NCOR2: variants seen among roughly 807,000 people sequenced by gnomAD.
NCOR2 encodes the protein CTG repeat protein 26.
In NCOR2, 81 loss-of-function variants were observed where a neutral mutation model predicts 262.9. The observed-to-expected ratio is 0.31, with a 90% CI of 0.26 to 0.37. The LOEUF is 0.37. NCOR2 is among the 10% of genes least tolerant of loss of function. The probability of loss-of-function intolerance (pLI) is 1.00; values close to 1 mark genes in which losing one functional copy is unlikely to be tolerated. For synonymous variants in NCOR2, 1,659 were observed against 1,559.3 expected, an observed-to-expected ratio of 1.06 and a Z score of -1.51; for missense variants, 3,385 against 3,621.4, an observed-to-expected ratio of 0.93 and a Z score of 1.68.
intron 1 of NCOR2, among the ~76,000 whole-genome samples, chr12:124,525,610 G>A (rs2050423745): frequency 6.6e-6 from 1 of 152,248 alleles, no homozygotes; most frequent in South Asian, 2.1e-4. Context: ...CAGAGCAGCT[G>A]CTGCGTGCCT....
At chr12:124,557,581 CA>C (rs1473156686) in intron 1 of NCOR2, among the ~76,000 whole-genome samples, 1 of 152,198 alleles carries the variant, frequency 6.6e-6, no homozygotes, top group Non-Finnish European at 1.5e-5. Context: ...CAAATAAGGT[CA>C]CAGCCTGAGG....
rs2136185865 is a variant in NCOR2 at position 124,398,290 on chromosome 12, T to C, written c.1814-109A>G. 6 of 1,209,662 alleles carry C rather than the reference T, an allele frequency of 5.0e-6. No homozygotes were observed. The East Asian group carries it at 1.4e-4, about 29-fold the overall frequency. 74.9% of individuals were successfully genotyped at this position (1,209,662 alleles called of 1,614,324 possible). On this transcript the variant is annotated intron_variant, in intron 15 of 46. Transcript: ENST00000405201. Reference sequence around the variant, plus strand: ...GAGGGAGTAGACCAGGCCTTGACGGTGTCACCGCACGGCTCTGAACCCCGT... The same window carrying C: ...GAGGGAGTAGACCAGGCCTTGACGGCGTCACCGCACGGCTCTGAACCCCGT...
At chr12:124,433,319 C>T (rs2044088039) in intron 8 of NCOR2, among the ~76,000 whole-genome samples, 1 of 152,234 alleles carries the variant, frequency 6.6e-6, no homozygotes. Flanking sequence ...GCCCATGCCA[C>T]CTCGGCCCCT....
chr12:124,533,271 G>A (rs1726250), intron 1 of NCOR2, among the ~76,000 whole-genome samples: 3 of 152,070 alleles, frequency 2.0e-5, no homozygotes, highest in South Asian at 2.1e-4. Flanking sequence ...AAACTCCCCC[G>A]AGGTAACTCA....
chr12:124,524,944 GAGT>G (rs1383679983), intron 1 of NCOR2, among the ~76,000 whole-genome samples: 9 of 152,242 alleles, frequency 5.9e-5, no homozygotes, highest in Non-Finnish European at 8.8e-5. Context: ...TGACGTACAT[GAGT>G]CCGGAACATG....
rs1005225479 is a variant in NCOR2, at chr12:124,505,411, G to A, written c.-117-10043C>T. ...GGGCTCCTCCTCGGCAGTTTTAGCC[G>A]CACCTGTAGGAGCAGGAGCTATGGA... On this transcript the variant is annotated intron_variant, in intron 1 of 46. Transcript: ENST00000404621. Among the ~76,000 whole-genome samples, 4 of 151,670 alleles carry A rather than the reference G, an allele frequency of 2.6e-5. No individual in the cohort carries two copies. In the East Asian group the frequency reaches 5.8e-4, roughly 22 times the overall value.
intron 3 of NCOR2, among the ~76,000 whole-genome samples, chr12:124,478,436 G>A (rs770166234): frequency 6.6e-6 from 1 of 152,128 alleles, no homozygotes; most frequent in Non-Finnish European, 1.5e-5. Context: ...ACAAAACTCC[G>A]GAGGCTGAAG....
chr12:124,546,395 C>A (rs1432727364), intron 1 of NCOR2, among the ~76,000 whole-genome samples: 1 of 152,176 alleles, frequency 6.6e-6, no homozygotes, highest in Non-Finnish European at 1.5e-5. Context: ...ATAAACAATT[C>A]GTAAGTTTTT....
Position 124,389,479 on chromosome 12 carries a change from C to A in NCOR2, c.1877-3592G>T, listed in dbSNP as rs953678775. 1.3e-5 allele frequency among the ~76,000 whole-genome samples: 2 copies of A among 152,098 alleles called. No homozygotes were observed. Among genetic ancestry groups the A allele is most frequent in the Non-Finnish European group, 2.9e-5 (2 of 68,022 alleles). ...GTGGCGGCGTCAGCAGTGGTAAGAACAGATGAGGGTTCCAGAAAAACAGAG... is the reference window on the plus strand; with the variant it reads ...GTGGCGGCGTCAGCAGTGGTAAGAAAAGATGAGGGTTCCAGAAAAACAGAG... On this transcript the variant is annotated intron_variant, in intron 16 of 46. Coordinates refer to ENST00000405201, the Ensembl canonical transcript of NCOR2. The surrounding 1 kb of genome is among the most constrained non-coding windows in gnomAD (Gnocchi z 4.4).
chr12:124,346,869 T>C lies in NCOR2; in HGVS notation c.4073-19A>G, dbSNP rs781070960. 9 of 1,534,310 alleles carry C rather than the reference T, an allele frequency of 5.9e-6. No individual in the cohort carries two copies. Among genetic ancestry groups the C allele is most frequent in the Non-Finnish European group, 7.9e-6 (9 of 1,142,840 alleles). ...GGGATCCCTGCCGGGCCGACAGCAC[T>C]GACCCTCACGCCCCGCCCCACCCAG... On this transcript the variant is annotated intron_variant, in intron 30 of 46. Transcript: ENST00000405201.
chr12:124,380,935 T>C lies in NCOR2; in HGVS notation c.2020-2551A>G, dbSNP rs1042445866. 4.6e-5 allele frequency among the ~76,000 whole-genome samples: 7 copies of C among 152,066 alleles called. 1 individual carries two copies. The South Asian group carries it at 1.2e-3, about 27-fold the overall frequency. On this transcript the variant is annotated intron_variant, in intron 17 of 46. Coordinates refer to ENST00000405201, the Ensembl canonical transcript of NCOR2. The stretch of plus-strand genomic sequence containing the variant: ...GTGGGATCAGGAGGTGTGTGTAGAA[T>C]AGGAGATGCTAGTGATGGCATTAAT...
chr12:124,554,036 C>T (rs914100326), intron 1 of NCOR2, among the ~76,000 whole-genome samples: 1 of 152,210 alleles, frequency 6.6e-6, no homozygotes, highest in Admixed American at 6.5e-5. Flanking sequence ...TCTCACAAAC[C>T]CCCACTCAGG....
At position 124,517,392 on chromosome 12, in the gene NCOR2, G is replaced by A. The variant is rs559337706; in HGVS notation, c.-118+18173C>T. On this transcript the variant is annotated intron_variant, in intron 1 of 46. Coordinates refer to the NCOR2 transcript ENST00000404621. The surrounding 1 kb of genome is among the most constrained non-coding windows in gnomAD (Gnocchi z 7.6). Reference sequence around the variant, plus strand: ...GCAACTAAAGGCTCCTTGTGAGCTCGGGAAGCCCTTCCAACTTTCCAGTGT... The same window carrying A: ...GCAACTAAAGGCTCCTTGTGAGCTCAGGAAGCCCTTCCAACTTTCCAGTGT... Among the ~76,000 whole-genome samples, 5 of 152,142 alleles carry A rather than the reference G, an allele frequency of 3.3e-5. No individual in the cohort carries two copies. Among genetic ancestry groups the A allele is most frequent in the Non-Finnish European group, 5.9e-5 (4 of 68,014 alleles).
intron 20 of NCOR2, among the ~76,000 whole-genome samples, chr12:124,364,454 G>C (rs1293185390): frequency 6.6e-6 from 1 of 152,228 alleles, no homozygotes; most frequent in Non-Finnish European, 1.5e-5. Context: ...CAAGGGCCCA[G>C]GCCACAGACT....
chr12:124,503,454 G>C lies in NCOR2; in HGVS notation c.-117-8086C>G, dbSNP rs1275241603. Among the ~76,000 whole-genome samples, 2 of 151,514 alleles carry C rather than the reference G, an allele frequency of 1.3e-5. No homozygotes were observed. The highest frequency in any genetic ancestry group is 2.9e-5 in the Non-Finnish European group (2 of 67,890). On this transcript the variant is annotated intron_variant, in intron 1 of 46. Coordinates refer to the NCOR2 transcript ENST00000404621. The surrounding 1 kb of genome is among the most constrained non-coding windows in gnomAD (Gnocchi z 4.3). ...ATGCATGGATAGAGAAAGGAGGAAGGATGCATGGACTGATGGATGGATGGA... is the reference window on the plus strand; with the variant it reads ...ATGCATGGATAGAGAAAGGAGGAAGCATGCATGGACTGATGGATGGATGGA...
intron 1 of NCOR2, among the ~76,000 whole-genome samples, chr12:124,501,050 G>GCACA (rs777654883): frequency 0.037 from 1,136 of 30,570 alleles, 22 homozygotes; most frequent in African/African-American, 0.1. Flanking sequence ...GCACGAGCGC[G>GCACA]CGCGCACGCG....
intron 33 of NCOR2, among the ~76,000 whole-genome samples, chr12:124,342,549 T>C (rs1431869926): frequency 6.6e-6 from 1 of 152,072 alleles, no homozygotes; most frequent in Non-Finnish European, 1.5e-5. Context: ...TTTGTATTTT[T>C]AGTAGGGACG....
At chr12:124,515,103 C>G (rs963615904) in intron 1 of NCOR2, among the ~76,000 whole-genome samples, 2 of 152,178 alleles carry the variant, frequency 1.3e-5, no homozygotes, top group Non-Finnish European at 2.9e-5. Flanking sequence ...GCTCTGGAGC[C>G]CTCTGTGATC....
chr12:124,416,070 G>T (rs1368766227), intron 13 of NCOR2, among the ~76,000 whole-genome samples: 2 of 152,088 alleles, frequency 1.3e-5, no homozygotes, highest in Non-Finnish European at 2.9e-5. Flanking sequence ...AGAACACCTG[G>T]CAATTCAGGG....
Sources: allele counts gnomAD v4.1 joint callset (sites outside exome capture counted in the v4.1 genomes callset), GRCh38; gene constraint gnomAD v4.1.1; non-coding constraint Gnocchi (gnomAD v3.1); transcripts MANE v1.5; gene names NCBI Gene and HGNC (gene_info 2026-07-23, HGNC 2026-07-21).